The following CSMD3 variants were observed in gnomAD, a reference collection of about 807,000 sequenced individuals.
CSMD3 encodes the protein CUB and sushi domain-containing protein 3.
CSMD3 carries 177 observed loss-of-function variants against 435.2 expected under a neutral mutation model. The ratio of observed to expected loss-of-function variants is 0.41; its 90% confidence interval spans 0.36 to 0.46. The LOEUF is 0.46. CSMD3 is among the 20% of genes least tolerant of loss of function. The pLI, the probability that CSMD3 is intolerant of heterozygous loss-of-function variation, is 0.34. For synonymous variants in CSMD3, 1,656 were observed against 1,520.5 expected (o/e 1.09, Z -2.07); for missense variants, 4,265 against 4,504.6 (o/e 0.95, Z 1.52).
intron 6 of CSMD3, among the ~76,000 whole-genome samples, chr8:113,005,231 C>A (rs1339544322): frequency 1.3e-5 from 2 of 151,812 alleles, no homozygotes; most frequent in African/African-American, 4.8e-5. Flanking sequence ...TTTTAACTAC[C>A]ACATTACACA....
At chr8:112,904,288 C>A (rs550445366) in intron 10 of CSMD3, among the ~76,000 whole-genome samples, 2 of 151,338 alleles carry the variant, frequency 1.3e-5, no homozygotes, top group Non-Finnish European at 3.0e-5. Context: ...GTTAAAAGTT[C>A]TTATCACAAA....
intron 18 of CSMD3, among the ~76,000 whole-genome samples, chr8:112,654,190 T>A (rs1455116881): frequency 6.6e-6 from 1 of 152,196 alleles, no homozygotes; most frequent in East Asian, 1.9e-4. Context: ...AATATATTGT[T>A]AATGTTCTCA....
At chr8:112,859,532 T>G (rs535702543) in intron 10 of CSMD3, among the ~76,000 whole-genome samples, 1 of 151,926 alleles carries the variant, frequency 6.6e-6, no homozygotes, top group Admixed American at 6.6e-5. Flanking sequence ...TGACTTTAAA[T>G]AGGTGTGTTT....
At chr8:113,429,489 C>T (rs914031925) in intron 1 of CSMD3, among the ~76,000 whole-genome samples, 1 of 151,958 alleles carries the variant, frequency 6.6e-6, no homozygotes, top group Non-Finnish European at 1.5e-5. Context: ...TATTTACAGA[C>T]TTGTAATGTC....
rs574379951 is a variant in CSMD3 at position 112,664,496 on chromosome 8, G to A, written c.2816+1781C>T. Among the ~76,000 whole-genome samples the A allele has an allele frequency of 3.9e-5, 6 of 152,176 alleles. No individual in the cohort carries two copies. The South Asian group carries it at 1.0e-3, about 26-fold the overall frequency. ...ATGTAAACCAATAAATAGGGGATAC[G>A]GTTTTAACAGAATAGCAACAACAAC... On this transcript the variant is annotated intron_variant, in intron 17 of 70. Transcript: ENST00000297405.
chr8:112,916,287 G>A (rs538178135), intron 10 of CSMD3, among the ~76,000 whole-genome samples: 1 of 151,884 alleles, frequency 6.6e-6, no homozygotes, highest in East Asian at 1.9e-4. Flanking sequence ...TAATTGTTCA[G>A]GGAGTTTTGA....
At chr8:112,740,095 T>C (rs918776956) in intron 13 of CSMD3, among the ~76,000 whole-genome samples, 3 of 151,812 alleles carry the variant, frequency 2.0e-5, no homozygotes, top group South Asian at 2.1e-4. Flanking sequence ...ATTTCCAAAA[T>C]ATCTGTATAC....
intron 1 of CSMD3, among the ~76,000 whole-genome samples, chr8:113,340,385 A>T (rs546724800): frequency 4.7e-4 from 71 of 152,094 alleles, no homozygotes; most frequent in South Asian, 6.2e-4. Context: ...AGAAGACATA[A>T]ATACTGCTTT....
chr8:113,090,690 T>A (rs534303784), intron 5 of CSMD3, among the ~76,000 whole-genome samples: 19 of 152,266 alleles, frequency 1.2e-4, no homozygotes, highest in Non-Finnish European at 2.5e-4. Context: ...GGCCCAGCAA[T>A]GCTGTTGCCT....
chr8:113,216,830 A>G (rs2092911580), intron 3 of CSMD3, among the ~76,000 whole-genome samples: 1 of 151,806 alleles, frequency 6.6e-6, no homozygotes, highest in Non-Finnish European at 1.5e-5. Flanking sequence ...TACTGAAAAG[A>G]AGAGAAATGC....
intron 4 of CSMD3, among the ~76,000 whole-genome samples, chr8:113,168,800 T>G (rs191200319): frequency 3.2e-4 from 48 of 152,164 alleles, no homozygotes; most frequent in African/African-American, 1.0e-3. Flanking sequence ...TATCTATTAT[T>G]TATTTAGTAT....
chr8:112,408,832 T>C, intron 33 of CSMD3, 87 bp downstream of exon 33: 1 of 1,599,916 alleles, frequency 6.3e-7, no homozygotes, highest in Non-Finnish European at 8.5e-7. Context: ...CTTATATTGA[T>C]GATATAAATC....
At chr8:112,229,318 G>A (rs1812870845) in intron 69 of CSMD3, among the ~76,000 whole-genome samples, 1 of 152,198 alleles carries the variant, frequency 6.6e-6, no homozygotes, top group Non-Finnish European at 1.5e-5. Context: ...GATGTGACAA[G>A]CACTGACATG....
chr8:112,232,194 A>G (rs1401511729), intron 68 of CSMD3, among the ~76,000 whole-genome samples: 1 of 152,360 alleles, frequency 6.6e-6, no homozygotes, highest in East Asian at 1.9e-4. Flanking sequence ...CATTCATATG[A>G]AAGTCAGAAC....
At chr8:113,021,518 G>C (rs532790053) in intron 5 of CSMD3, among the ~76,000 whole-genome samples, 4 of 152,228 alleles carry the variant, frequency 2.6e-5, no homozygotes, top group Non-Finnish European at 5.9e-5. Context: ...ACAATGCATG[G>C]AGGTGTGTAA....
chr8:112,561,671 G>A (rs1828636012), intron 24 of CSMD3, among the ~76,000 whole-genome samples: 1 of 151,338 alleles, frequency 6.6e-6, no homozygotes, highest in Admixed American at 6.6e-5. Context: ...GTCTTTCTCT[G>A]TTTCTTCCCT....
intron 13 of CSMD3, among the ~76,000 whole-genome samples, chr8:112,771,221 C>G (rs1187872300): frequency 6.6e-6 from 1 of 152,050 alleles, no homozygotes; most frequent in African/African-American, 2.4e-5. Flanking sequence ...TGGTAGTTCA[C>G]AGCACTGATT....
intron 1 of CSMD3, among the ~76,000 whole-genome samples, chr8:113,343,297 C>A (rs2094132095): frequency 6.6e-6 from 1 of 151,960 alleles, no homozygotes; most frequent in South Asian, 2.1e-4. Context: ...AATGTTGGTA[C>A]AGAAATGGGA....
rs1002824994 is a variant in CSMD3, at chr8:112,534,235, G to C, written c.4564+16436C>G. 1.2e-4 allele frequency among the ~76,000 whole-genome samples: 18 copies of C among 152,186 alleles called. 1 individual carries two copies. Among genetic ancestry groups the C allele is most frequent in the African/African-American group, 4.3e-4 (18 of 41,558 alleles). On this transcript the variant is annotated intron_variant, in intron 27 of 70. Transcript: ENST00000297405. ...CTTCAAAAAATTAATGAATCCAGGA[G>C]CTGGTTTTTTGAAAGGATCAACAAA...
Sources: gnomAD v4.1 joint callset for allele counts (sites outside exome capture counted in the v4.1 genomes callset) on GRCh38, gnomAD v4.1.1 for gene constraint, MANE v1.5 for transcripts, NCBI Gene and HGNC (gene_info 2026-07-23, HGNC 2026-07-21) for gene names.